The following KAZN variants were observed in gnomAD, a reference collection of about 807,000 sequenced individuals.
The protein encoded by KAZN is kazrin.
In KAZN, 40 loss-of-function variants were observed where a neutral mutation model predicts 87.4. That is an observed-to-expected ratio of 0.46 (90% CI 0.36 to 0.60). The LOEUF is 0.60. Ranked by LOEUF, KAZN falls within the 20% of genes least tolerant of loss-of-function variation. The probability of loss-of-function intolerance (pLI) is 0.00; values close to 1 mark genes in which losing one functional copy is unlikely to be tolerated. For synonymous variants in KAZN, 466 were observed against 458.3 expected, an observed-to-expected ratio of 1.02 and a Z score of -0.22; for missense variants, 898 against 1,073.9, an observed-to-expected ratio of 0.84 and a Z score of 2.29.
At chr1:13,982,362 G>A (rs897330528) in intron 1 of KAZN, among the ~76,000 whole-genome samples, 4 of 152,202 alleles carry the variant, frequency 2.6e-5, no homozygotes, top group Non-Finnish European at 5.9e-5. Context: ...CTGATGTTCG[G>A]ATGTGTTCGG....
rs1638673405 is a variant in KAZN, at chr1:15,060,263, C to T, written c.1008C>T (p.Asp336=). The T allele has an allele frequency of 6.2e-7, 1 of 1,614,100 alleles. No homozygotes were observed. Among genetic ancestry groups the T allele is most frequent in the African/African-American group, 1.3e-5 (1 of 74,950 alleles). Residue 336 remains aspartate (D), a synonymous_variant, in exon 6 of 15, where the codon GAC becomes GAT. Transcript: ENST00000376030. ...GCGACCGGTCGTCCACACCGAGCGACATCAACTCCCCTCGACACCGGACAC... is the reference window on the plus strand; with the variant it reads ...GCGACCGGTCGTCCACACCGAGCGATATCAACTCCCCTCGACACCGGACAC... ...AEGDRSSTPS[D]INSPRHRTHS... is the part of the protein sequence containing the mutation.
At chr1:14,230,850 A>G (rs1381714792) in intron 2 of KAZN, among the ~76,000 whole-genome samples, 1 of 152,136 alleles carries the variant, frequency 6.6e-6, no homozygotes, top group East Asian at 1.9e-4. Context: ...TAGTCACGAG[A>G]CAGTTCAGTT....
At chr1:14,040,061 G>A (rs1199301504) in intron 1 of KAZN, among the ~76,000 whole-genome samples, 1 of 151,156 alleles carries the variant, frequency 6.6e-6, no homozygotes, top group Non-Finnish European at 1.5e-5. Context: ...GTGTGTGTGT[G>A]CACGTGTGTG....
At chr1:14,324,667 G>T (rs926050523) in intron 2 of KAZN, among the ~76,000 whole-genome samples, 2 of 151,960 alleles carry the variant, frequency 1.3e-5, no homozygotes, top group Non-Finnish European at 1.5e-5. Context: ...GCAAAGGGGG[G>T]GAAGTACTTG....
rs114176121 is a variant in KAZN, at chr1:14,860,722, G to A, written c.227-99962G>A. Among the ~76,000 whole-genome samples, 523 of 152,290 alleles carry A rather than the reference G, an allele frequency of 3.4e-3. 7 individuals are homozygous for A. Among genetic ancestry groups the A allele is most frequent in the Admixed American group, 6.9e-3 (105 of 15,300 alleles). ...CTGCACACATATACCTACCTTATAT[G>A]TTTGTATTCAACACACGCATATGCT... On this transcript the variant is annotated intron_variant, in intron 1 of 14. Coordinates refer to ENST00000376030, the MANE Select transcript of KAZN (RefSeq NM_201628.3).
chr1:14,008,044 G>T (rs1019446713), intron 1 of KAZN, among the ~76,000 whole-genome samples: 1 of 152,060 alleles, frequency 6.6e-6, no homozygotes, highest in Non-Finnish European at 1.5e-5. Context: ...AATTTAAGTG[G>T]CATATTGGAC....
intron 2 of KAZN, among the ~76,000 whole-genome samples, chr1:14,278,024 A>G (rs77823397): frequency 0.041 from 6,227 of 151,578 alleles, 157 homozygotes; most frequent in Middle Eastern, 0.071. Flanking sequence ...CATCAGGGTC[A>G]TGTGGAGAGG....
At chr1:14,483,838 T>C (rs1429099740) in intron 2 of KAZN, among the ~76,000 whole-genome samples, 1 of 152,238 alleles carries the variant, frequency 6.6e-6, no homozygotes, top group Non-Finnish European at 1.5e-5. Flanking sequence ...ATCATTGCTC[T>C]GACCAGTGTC....
At chr1:14,262,618 C>T (rs186833117) in intron 2 of KAZN, among the ~76,000 whole-genome samples, 28 of 152,324 alleles carry the variant, frequency 1.8e-4, no homozygotes, top group Middle Eastern at 6.8e-3. Flanking sequence ...TCATTTAATA[C>T]TGGAAGGACC....
chr1:14,383,888 C>A (rs1484685550), intron 2 of KAZN, among the ~76,000 whole-genome samples: 1 of 151,926 alleles, frequency 6.6e-6, no homozygotes, highest in African/African-American at 2.4e-5. Context: ...GGCATTGAAT[C>A]TGTAAATTAC....
chr1:14,353,359 G>A (rs564065493), intron 2 of KAZN, among the ~76,000 whole-genome samples: 1 of 151,928 alleles, frequency 6.6e-6, no homozygotes, highest in East Asian at 1.9e-4. Flanking sequence ...CAATAGCTGG[G>A]ACTACAGGTG....
At chr1:14,123,909 C>G (rs988367012) in intron 1 of KAZN, among the ~76,000 whole-genome samples, 1 of 152,176 alleles carries the variant, frequency 6.6e-6, no homozygotes, top group African/African-American at 2.4e-5. Context: ...TTCACCAGCT[C>G]CCAAGTGGCC....
chr1:14,388,206 CCACT>C (rs1234559145), intron 2 of KAZN, among the ~76,000 whole-genome samples: 1 of 152,170 alleles, frequency 6.6e-6, no homozygotes, highest in Non-Finnish European at 1.5e-5. Context: ...TGACCTGCGC[CCACT>C]GTCTGGCACT....
intron 2 of KAZN, among the ~76,000 whole-genome samples, chr1:14,383,300 G>A (rs1661542252): frequency 6.7e-6 from 1 of 149,636 alleles, no homozygotes; most frequent in African/African-American, 2.5e-5. Flanking sequence ...CTTTTGCTGT[G>A]CAGAAGCTCT....
chr1:14,078,439 A>T (rs1222515307), intron 1 of KAZN, among the ~76,000 whole-genome samples: 3 of 152,234 alleles, frequency 2.0e-5, no homozygotes, highest in Non-Finnish European at 4.4e-5. Context: ...TAGAAATATT[A>T]ATGGTGCTGT....
At chr1:14,944,208 C>T (rs943074111) in intron 1 of KAZN, among the ~76,000 whole-genome samples, 1 of 147,968 alleles carries the variant, frequency 6.8e-6, no homozygotes, top group Non-Finnish European at 1.5e-5. Context: ...TGCCTCTTCC[C>T]GCTCCCAGCT....
At chr1:13,988,091 T>A (rs534058403) in intron 1 of KAZN, among the ~76,000 whole-genome samples, 1 of 152,310 alleles carries the variant, frequency 6.6e-6, no homozygotes, top group South Asian at 2.1e-4. Flanking sequence ...TACTTCACCT[T>A]CAAACACTGT....
At chr1:14,791,652 C>T (rs545657625) in intron 1 of KAZN, among the ~76,000 whole-genome samples, 10 of 152,290 alleles carry the variant, frequency 6.6e-5, no homozygotes, top group East Asian at 3.9e-4. Context: ...CCACTGAGGA[C>T]GGCGAGAGTG....
At chr1:14,979,350 A>G (rs1487908131) in intron 2 of KAZN, among the ~76,000 whole-genome samples, 1 of 152,008 alleles carries the variant, frequency 6.6e-6, no homozygotes, top group East Asian at 2.0e-4. Flanking sequence ...CAGAGGTTGC[A>G]GTGAGCCGAG....
Sources: gnomAD v4.1 joint callset for allele counts (sites outside exome capture counted in the v4.1 genomes callset) on GRCh38, gnomAD v4.1.1 for gene constraint, MANE v1.5 for transcripts, NCBI Gene and HGNC (gene_info 2026-07-23, HGNC 2026-07-21) for gene names.